The following PCDHA3 variants were observed in gnomAD, a reference collection of about 807,000 sequenced individuals.
The protein encoded by PCDHA3 is protocadherin alpha-3.
A neutral mutation model predicts 62.2 loss-of-function variants in PCDHA3; 41 were observed. That is an observed-to-expected ratio of 0.66 (90% CI 0.51 to 0.86). PCDHA3 has a LOEUF of 0.86. Among genes scored for constraint, PCDHA3 ranks in the 40% least tolerant of loss-of-function variants. The probability of loss-of-function intolerance (pLI) is 0.00; values close to 1 mark genes in which losing one functional copy is unlikely to be tolerated. For missense variants in PCDHA3, 1,304 were observed against 1,241.2 expected (o/e 1.05, Z -0.76); for synonymous variants, 640 against 555.4 (o/e 1.15, Z -2.14).
chr5:140,809,090 C>T (rs746844684), intron 1 of PCDHA3: 4 of 1,613,834 alleles, frequency 2.5e-6, no homozygotes, highest in South Asian at 2.2e-5. Flanking sequence ...CAGCACAACG[C>T]GTGCCCTGGA....
chr5:140,862,359 C>T (rs1364549064), intron 1 of PCDHA3: 3 of 337,738 alleles, frequency 8.9e-6, no homozygotes, highest in African/African-American at 4.3e-5. Flanking sequence ...AAGGGACAGA[C>T]GACCCGCACC....
intron 2 of PCDHA3, 176 bp downstream of exon 2, chr5:140,979,183 G>C (rs2096838721): frequency 1.1e-6 from 1 of 925,482 alleles, no homozygotes; most frequent in Admixed American, 6.2e-5. Context: ...CAAATGGTCA[G>C]TGCCAGATGC....
chr5:140,858,256 G>C, intron 1 of PCDHA3: 1 of 1,596,658 alleles, frequency 6.3e-7, no homozygotes, highest in Non-Finnish European at 8.6e-7. Context: ...TGAAGCCCAC[G>C]CTGGTGTGCT....
At chr5:140,808,438 C>G in intron 1 of PCDHA3, 2 of 1,614,150 alleles carry the variant, frequency 1.2e-6, no homozygotes, top group Non-Finnish European at 1.7e-6. Context: ...ACCGCGAGAG[C>G]GTGTCAGCCT....
chr5:140,869,602 C>T (rs2051279273), intron 1 of PCDHA3: 2 of 1,613,922 alleles, frequency 1.2e-6, no homozygotes, highest in Non-Finnish European at 8.5e-7. Flanking sequence ...AGAGAATGCT[C>T]TATTGACCTA....
chr5:140,870,028 T>A, intron 1 of PCDHA3: 1 of 1,613,550 alleles, frequency 6.2e-7, no homozygotes, highest in Non-Finnish European at 8.5e-7. Flanking sequence ...AACTTTAGAT[T>A]ATGAAGAAAA....
At chr5:140,873,816 A>G (rs1419963733) in intron 1 of PCDHA3, among the ~76,000 whole-genome samples, 3 of 151,528 alleles carry the variant, frequency 2.0e-5, no homozygotes, top group East Asian at 3.9e-4. Context: ...ATGCACCACC[A>G]CTCCTGGCTA....
chr5:140,861,923 A>G (rs898939301), intron 1 of PCDHA3: 1 of 153,990 alleles, frequency 6.5e-6, no homozygotes, highest in African/African-American at 2.4e-5. Flanking sequence ...GCTGGATGTA[A>G]ATGATGATGC....
At chr5:140,979,350 A>T (rs113796939) in intron 2 of PCDHA3, among the ~76,000 whole-genome samples, 1,685 of 150,698 alleles carry the variant, frequency 0.011, 22 homozygotes, top group East Asian at 0.044. Flanking sequence ...TGTAATTAAT[A>T]CTCATGCTTT....
At chr5:140,850,410 G>T (rs369126896) in intron 1 of PCDHA3, 1 of 1,597,934 alleles carries the variant, frequency 6.3e-7, no homozygotes, top group Middle Eastern at 1.7e-4. Flanking sequence ...TGCCCTGGAC[G>T]AAACGGACGC....
chr5:140,961,028 C>T (rs889602727), intron 1 of PCDHA3, among the ~76,000 whole-genome samples: 2 of 152,146 alleles, frequency 1.3e-5, no homozygotes, highest in African/African-American at 4.8e-5. Context: ...TTGCTACCTC[C>T]TTGTTTTGAG....
In PCDHA3 at chr5:140,857,461, C is replaced by T. The variant is rs1554150068; in HGVS notation, c.2394+53870C>T. 9 of 1,598,524 alleles carry T rather than the reference C, an allele frequency of 5.6e-6. 1 individual carries two copies. Among genetic ancestry groups the T allele is most frequent in the Non-Finnish European group, 7.7e-6 (9 of 1,167,928 alleles). On this transcript the variant is annotated intron_variant, in intron 1 of 3. Transcript: ENST00000522353. ...TGAAGGAGAACAACCCGCCAGGCTG[C>T]CACATCTTCACGGTGTCTGCGTGGG...
intron 3 of PCDHA3, among the ~76,000 whole-genome samples, chr5:141,008,980 A>C (rs533099581): frequency 6.6e-6 from 1 of 152,374 alleles, no homozygotes; most frequent in African/African-American, 2.4e-5. Context: ...GCCAAAGTTT[A>C]ATCTAGACAC....
At chr5:140,893,409 T>C (rs2153442529) in intron 1 of PCDHA3, among the ~76,000 whole-genome samples, 1 of 152,154 alleles carries the variant, frequency 6.6e-6, no homozygotes, top group South Asian at 2.1e-4. Context: ...TCCCAGCACT[T>C]AGGGAGGCAG....
intron 1 of PCDHA3, chr5:140,876,574 G>A (rs1554168680): frequency 1.9e-6 from 3 of 1,614,158 alleles, no homozygotes; most frequent in Non-Finnish European, 2.5e-6. Flanking sequence ...GGTGGGTACC[G>A]TCATTGCCCT....
At chr5:140,825,574 G>A (rs1447925811) in intron 1 of PCDHA3, 1 of 151,612 alleles carries the variant, frequency 6.6e-6, no homozygotes, top group Non-Finnish European at 1.5e-5. Flanking sequence ...ACAGGCATGT[G>A]CCCACACCTG....
intron 1 of PCDHA3, among the ~76,000 whole-genome samples, chr5:140,887,432 C>G (rs2061445843): frequency 6.6e-6 from 1 of 152,120 alleles, no homozygotes; most frequent in Non-Finnish European, 1.5e-5. Flanking sequence ...AGTATTTTCA[C>G]TGGGCATAGT....
intron 1 of PCDHA3, chr5:140,856,806 A>G: frequency 1.3e-6 from 2 of 1,595,552 alleles, no homozygotes; most frequent in African/African-American, 1.3e-5. Context: ...ATGTATGAAA[A>G]TCAAGTGAAC....
intron 1 of PCDHA3, chr5:140,834,481 A>C (rs2150219318): frequency 6.2e-7 from 1 of 1,614,090 alleles, no homozygotes; most frequent in East Asian, 2.2e-5. Context: ...CAGCTCCACT[A>C]CTCGGTCCCC....
Sources: allele counts gnomAD v4.1 joint callset (sites outside exome capture counted in the v4.1 genomes callset), GRCh38; gene constraint gnomAD v4.1.1; transcripts MANE v1.5; gene names NCBI Gene and HGNC (gene_info 2026-07-23, HGNC 2026-07-21).